The following MYO10 variants were observed in gnomAD, a reference collection of about 807,000 sequenced individuals.
MYO10 encodes myosin X, also known as unconventional myosin-X.
In MYO10, 133 loss-of-function variants were observed where a neutral mutation model predicts 257.3. The ratio of observed to expected loss-of-function variants is 0.52; its 90% CI spans 0.45 to 0.60. MYO10 has a LOEUF of 0.60. Among genes scored for constraint, MYO10 ranks in the 20% least tolerant of loss-of-function variants. The pLI is 0.00. For missense variants in MYO10, 2,399 were observed against 2,635.7 expected (o/e 0.91, Z 1.97); for synonymous variants, 1,104 against 1,028.6 (o/e 1.07, Z -1.40).
At chr5:16,808,829 G>A (rs1014079466) in intron 3 of MYO10, among the ~76,000 whole-genome samples, 1 of 152,072 alleles carries the variant, frequency 6.6e-6, no homozygotes, top group Admixed American at 6.5e-5. Flanking sequence ...CCGCCACCAC[G>A]CCTGGCTAAT....
At chr5:16,716,034 C>CT in intron 19 of MYO10, among the ~76,000 whole-genome samples, 1 of 142,360 alleles carries the variant, frequency 7.0e-6, no homozygotes, top group African/African-American at 2.6e-5. Context: ...CCAGCCTGGG[C>CT]AACAGAGTGA....
chr5:16,733,386 T>C (rs1739663572), intron 19 of MYO10, among the ~76,000 whole-genome samples: 1 of 152,104 alleles, frequency 6.6e-6, no homozygotes, highest in Non-Finnish European at 1.5e-5. Flanking sequence ...AAGAGTTACT[T>C]CTTTGATAAT....
Position 16,900,744 on chromosome 5 carries a change from G to GTTGTTTTTT in MYO10, c.22-23038_22-23037insAAAAAACAA, listed in dbSNP as rs1554007452. ...AAAAGTACACACCTCCCTAAATCTT[G>GTTGTTTTTT]TTTTTTTTTTTTTGAGACAGAGTCT... is the stretch of plus-strand genomic sequence containing the variant. On this transcript the variant is annotated intron_variant, in intron 1 of 40. Coordinates refer to ENST00000513610, the MANE Select transcript of MYO10 (RefSeq NM_012334.3). 1.7e-3 allele frequency among the ~76,000 whole-genome samples: 224 copies of GTTGTTTTTT among 132,738 alleles called. 3 individuals are homozygous for GTTGTTTTTT. The highest frequency in any genetic ancestry group is 2.7e-3 in the Non-Finnish European group (174 of 63,710). 87.1% of individuals were successfully genotyped at this position (132,738 alleles called of 152,430 possible).
At chr5:16,824,971 A>G (rs187668017) in intron 2 of MYO10, among the ~76,000 whole-genome samples, 2 of 152,346 alleles carry the variant, frequency 1.3e-5, no homozygotes, top group East Asian at 3.9e-4. Context: ...ATTATGTCAT[A>G]TTATATTCAT....
chr5:16,709,879 T>C (rs1011585204), intron 21 of MYO10, among the ~76,000 whole-genome samples: 10 of 143,906 alleles, frequency 6.9e-5, no homozygotes, highest in African/African-American at 2.6e-4. Flanking sequence ...AGTAAAAAAT[T>C]TCCCTAGAGC....
intron 3 of MYO10, among the ~76,000 whole-genome samples, chr5:16,817,272 T>C (rs982774129): frequency 6.6e-6 from 1 of 152,170 alleles, no homozygotes. Flanking sequence ...GAAATAAACA[T>C]ACATAACCAG....
intron 1 of MYO10, among the ~76,000 whole-genome samples, chr5:16,880,676 A>G (rs948286826): frequency 6.6e-6 from 1 of 152,158 alleles, no homozygotes; most frequent in Non-Finnish European, 1.5e-5. Flanking sequence ...GCCAGTACCT[A>G]TTTGCACACA....
chr5:16,765,987 CTG>C, intron 11 of MYO10, 91 bp downstream of exon 11: 2 of 850,014 alleles, frequency 2.4e-6, no homozygotes, highest in Non-Finnish European at 3.9e-6. Context: ...ACAGTTACAA[CTG>C]TTATTATAAT....
chr5:16,777,867 T>G (rs1488269005), intron 9 of MYO10, among the ~76,000 whole-genome samples: 2 of 121,250 alleles, frequency 1.6e-5, no homozygotes, highest in African/African-American at 6.2e-5. Context: ...TTTTTTTTTT[T>G]GAGACGGAGT....
Position 16,764,233 on chromosome 5 carries a change from A to G in MYO10, c.1326+17T>C. 2 of 1,613,570 alleles carry G rather than the reference A, an allele frequency of 1.2e-6. No individual in the cohort carries two copies. Among genetic ancestry groups the G allele is most frequent in the Non-Finnish European group, 1.7e-6 (2 of 1,179,658 alleles). On this transcript the variant is annotated intron_variant, in intron 12 of 40. Transcript: ENST00000513610. The stretch of plus-strand genomic sequence containing the variant: ...GGACAGAAGAGAATTCACGTGCTGC[A>G]CTGTTAGGAAACCTACCTCAAAGTT...
At chr5:16,914,730 T>C (rs1301883528) in intron 1 of MYO10, among the ~76,000 whole-genome samples, 3 of 152,158 alleles carry the variant, frequency 2.0e-5, no homozygotes, top group African/African-American at 7.2e-5. Context: ...CCAAATATTT[T>C]ATAAGGTCAC....
intron 19 of MYO10, among the ~76,000 whole-genome samples, chr5:16,747,811 T>C (rs1282358118): frequency 4.1e-5 from 6 of 147,412 alleles, no homozygotes; most frequent in Non-Finnish European, 8.9e-5. Flanking sequence ...CCCAGCTACT[T>C]GGGAGGCTGA....
rs1364079440 is a variant in MYO10 at position 16,662,293 on chromosome 5, G to A, written c.*4399C>T. The A allele has an allele frequency of 7.6e-6, 1 of 131,036 alleles. No homozygotes were observed. The highest frequency in any genetic ancestry group is 7.9e-5 in the Admixed American group (1 of 12,628). 8.1% of individuals were successfully genotyped at this position (131,036 alleles called of 1,614,324 possible). The stretch of plus-strand genomic sequence containing the variant: ...ATAAAAGGCTTAGTAACTAAAAAAA[G>A]TGCTGTCTTAGATTTCTGAACTATT... On this transcript the variant is annotated 3_prime_UTR_variant, in exon 41 of 41. Coordinates refer to ENST00000513610, the MANE Select transcript of MYO10 (RefSeq NM_012334.3).
intron 2 of MYO10, among the ~76,000 whole-genome samples, chr5:16,849,680 A>G (rs1198955884): frequency 6.6e-6 from 1 of 152,214 alleles, no homozygotes; most frequent in Non-Finnish European, 1.5e-5. Flanking sequence ...ATTTGGAGAA[A>G]CATCTAAATG....
Position 16,701,181 on chromosome 5 carries a change from T to C in MYO10, c.3214A>G (p.Thr1072Ala). The part of the protein sequence containing the change: ...SLHNSSSGES[T>A]YCMPQNAGDL... Reference sequence around the variant, plus strand: ...CCAGCGTTCTGGGGCATGCAGTAGGTGGACTCGCCGCTGGAGGAGTTGTGT... The same window carrying C: ...CCAGCGTTCTGGGGCATGCAGTAGGCGGACTCGCCGCTGGAGGAGTTGTGT... Residue 1072 changes from threonine (T) to alanine (A), a missense_variant, in exon 25 of 41, where the codon ACC (threonine) becomes GCC (alanine). Around this residue, in one of 3 missense-constraint regions of MYO10, gnomAD observed 1,820 missense variants for 1,939.4 expected, o/e 0.94. Transcript: ENST00000513610. This position sits in a 1 kb window ranked among gnomAD's most constrained non-coding sequence, Gnocchi z 8.1. 2 of 1,607,910 alleles carry C rather than the reference T, an allele frequency of 1.2e-6. No individual in the cohort carries two copies. Among genetic ancestry groups the C allele is most frequent in the African/African-American group, 1.3e-5 (1 of 74,964 alleles).
chr5:16,932,461 T>C (rs1361819669), intron 1 of MYO10, among the ~76,000 whole-genome samples: 1 of 152,218 alleles, frequency 6.6e-6, no homozygotes, highest in Non-Finnish European at 1.5e-5. Context: ...GAGCCTTTTC[T>C]GTTTGCTTTT....
At chr5:16,791,951 A>T (rs1314720850) in intron 4 of MYO10, among the ~76,000 whole-genome samples, 2 of 152,172 alleles carry the variant, frequency 1.3e-5, no homozygotes, top group Non-Finnish European at 2.9e-5. Flanking sequence ...ATTAACTGCA[A>T]GCCGTTATGA....
intron 2 of MYO10, among the ~76,000 whole-genome samples, chr5:16,845,204 C>G (rs963435914): frequency 1.3e-5 from 2 of 152,064 alleles, no homozygotes; most frequent in Non-Finnish European, 2.9e-5. Context: ...CAGATCCTTA[C>G]TGCTGAATTA....
chr5:16,920,088 C>A (rs71609342), intron 1 of MYO10, among the ~76,000 whole-genome samples: 8,596 of 150,290 alleles, frequency 0.057, 232 homozygotes, highest in African/African-American at 0.07. Flanking sequence ...TCCAGCCTGG[C>A]AACAGAGCGA....
Sources: gnomAD v4.1 joint callset for allele counts (sites outside exome capture counted in the v4.1 genomes callset) on GRCh38, gnomAD v4.1.1 for gene constraint, gnomAD v4.1.1 regional missense constraint, Gnocchi (gnomAD v3.1) non-coding constraint, MANE v1.5 for transcripts, NCBI Gene and HGNC (gene_info 2026-07-23, HGNC 2026-07-21) for gene names.